The following TMIGD1 variants were observed in gnomAD, a reference collection of about 807,000 sequenced individuals.
The protein encoded by TMIGD1 is transmembrane and immunoglobulin domain containing 1.
A neutral mutation model predicts 27.5 loss-of-function variants in TMIGD1; 29 were observed. That is an observed-to-expected ratio of 1.05 (90% CI 0.78 to 1.44). TMIGD1 has a LOEUF of 1.44. Ranked by LOEUF, TMIGD1 falls within the 40% of genes most tolerant of loss-of-function variation. The pLI, the probability that TMIGD1 is intolerant of heterozygous loss-of-function variation, is 0.00. For synonymous variants in TMIGD1, 109 were observed against 110.3 expected (o/e 0.99, Z 0.07); for missense variants, 334 against 310.6 (o/e 1.08, Z -0.57).
Position 30,324,988 on chromosome 17 carries a change from G to A in TMIGD1, c.468C>T (p.Tyr156=). 6.2e-7 allele frequency: 1 copy of A among 1,614,056 alleles called. No homozygotes were observed. The highest frequency in any genetic ancestry group is 8.5e-7 in the Non-Finnish European group (1 of 1,179,994). ...CTAAATCGAGGAGACTACTGTTTTTGTACCACATCATTTGAGCCTGGGGGT... is the reference window on the plus strand; with the variant it reads ...CTAAATCGAGGAGACTACTGTTTTTATACCACATCATTTGAGCCTGGGGGT... ...KANPQAQMMW[Y]KNSSLLDLEK... Residue 156 remains tyrosine, a synonymous_variant, in exon 4 of 7, where the codon TAC becomes TAT. Coordinates refer to ENST00000328886, the MANE Select transcript of TMIGD1 (RefSeq NM_206832.3).
chr17:30,324,430 T>C (rs1597682552), intron 4 of TMIGD1, among the ~76,000 whole-genome samples: 1 of 152,220 alleles, frequency 6.6e-6, no homozygotes, highest in East Asian at 1.9e-4. Context: ...TTTTCTTATC[T>C]AGTCCTAATT....
intron 4 of TMIGD1, among the ~76,000 whole-genome samples, chr17:30,322,674 TG>T (rs1909657621): frequency 6.6e-6 from 1 of 152,146 alleles, no homozygotes; most frequent in African/African-American, 2.4e-5. Flanking sequence ...TAATTTTTTT[TG>T]TATTTTTAGT....
chr17:30,331,583 ATT>A lies in TMIGD1; in HGVS notation c.82+467_82+468del, dbSNP rs71360742. Reference sequence around the variant, plus strand: ...CCTAAAAACAATATTTTTCCATTTGATTTTTTTTTTTTTTTTTTTGAGACGGA... The same window carrying A: ...CCTAAAAACAATATTTTTCCATTTGATTTTTTTTTTTTTTTTTGAGACGGA... On this transcript the variant is annotated intron_variant, in intron 2 of 6. Coordinates refer to ENST00000328886, the MANE Select transcript of TMIGD1 (RefSeq NM_206832.3). 7.0e-3 allele frequency among the ~76,000 whole-genome samples: 929 copies of A among 133,102 alleles called. 3 individuals are homozygous for A. Among genetic ancestry groups the A allele is most frequent in the African/African-American group, 0.014 (495 of 36,290 alleles). 87.3% of individuals were successfully genotyped at this position (133,102 alleles called of 152,430 possible). A position where few individuals can be genotyped will look rare whatever the true frequency, so the allele number is the denominator to read the frequency against.
In TMIGD1 at chr17:30,316,435, CAA is replaced by C; in HGVS notation, c.*250_*251del. On this transcript the variant is annotated 3_prime_UTR_variant, in exon 7 of 7. Transcript: ENST00000328886. ...TAAATGATTACCAACCTATTTGGAA[CAA>C]ATCTCAATTAATTAACATATACTTC... is the stretch of plus-strand genomic sequence containing the variant. The C allele has an allele frequency of 5.1e-6, 2 of 388,680 alleles. No individual in the cohort carries two copies. The highest frequency in any genetic ancestry group is 1.1e-4 in the South Asian group (2 of 18,298). 24.1% of individuals were successfully genotyped at this position (388,680 alleles called of 1,614,324 possible). A position where few individuals can be genotyped will look rare whatever the true frequency, so the allele number is the denominator to read the frequency against.
chr17:30,332,381 G>A (rs1392490772), intron 1 of TMIGD1, among the ~76,000 whole-genome samples: 1 of 152,164 alleles, frequency 6.6e-6, no homozygotes, highest in East Asian at 1.9e-4. Flanking sequence ...ACAGGAAATA[G>A]GCTATGACAG....
At chr17:30,331,422 T>C (rs1388497006) in intron 2 of TMIGD1, among the ~76,000 whole-genome samples, 1 of 152,088 alleles carries the variant, frequency 6.6e-6, no homozygotes, top group Non-Finnish European at 1.5e-5. Context: ...AAGATTTTCA[T>C]GTGAAATGGT....
At chr17:30,324,576 A>G (rs573539719) in intron 4 of TMIGD1, among the ~76,000 whole-genome samples, 4 of 152,330 alleles carry the variant, frequency 2.6e-5, no homozygotes, top group South Asian at 4.1e-4. Flanking sequence ...TGTTTCCTAT[A>G]TTTGGTTCTA....
chr17:30,332,490 C>T (rs755203974), intron 1 of TMIGD1, among the ~76,000 whole-genome samples: 32 of 152,176 alleles, frequency 2.1e-4, no homozygotes, highest in Non-Finnish European at 8.8e-5. Context: ...GTCTCATTCT[C>T]AGACAGTCCC....
intron 5 of TMIGD1, 33 bp from the exon 6 acceptor site, chr17:30,317,266 T>C (rs779970308): frequency 7.8e-5 from 126 of 1,613,128 alleles, no homozygotes; most frequent in Non-Finnish European, 1.1e-4. Context: ...ATTAGCCTGC[T>C]TTTTAAGGCC....
chr17:30,329,364 T>C lies in TMIGD1; in HGVS notation c.248A>G (p.Asn83Ser), dbSNP rs781490158. The C allele has an allele frequency of 2.0e-5, 33 of 1,614,054 alleles. No individual in the cohort carries two copies. In the East Asian group the frequency reaches 4.2e-4, roughly 21 times the overall value. ...RVDLKSGNKINSSSVCVSSIS... is the reference protein window; with the variant it reads ...RVDLKSGNKISSSSVCVSSIS... ...GGAAGAGACACAGACAGAGCTGGAA[T>C]TGATTTTGTTTCCAGATTTCAAATC... is the stretch of plus-strand genomic sequence containing the variant. Residue 83 changes from asparagine (N) to serine (S), a missense_variant, in exon 3 of 7, where the codon AAT (asparagine) becomes AGT (serine). Asn to Ser is a conservative substitution (Grantham distance 46). Transcript: ENST00000328886.
intron 2 of TMIGD1, among the ~76,000 whole-genome samples, chr17:30,330,332 G>A (rs138966757): frequency 7.9e-5 from 12 of 152,104 alleles, no homozygotes; most frequent in South Asian, 4.1e-4. Context: ...ACACACACAC[G>A]CATGCATATA....
chr17:30,316,690 T>C lies in TMIGD1; in HGVS notation c.786A>G (p.Leu262=). 6.2e-7 allele frequency: 1 copy of C among 1,613,230 alleles called. No individual in the cohort carries two copies. Among genetic ancestry groups the C allele is most frequent in the Non-Finnish European group, 8.5e-7 (1 of 1,179,680 alleles). ...KDKDPHSETA[L] The stretch of plus-strand genomic sequence containing the variant: ...ATTCGATGGCATCTCAGCTTTCTCA[T>C]CTGAAATGAATGAAGAAATTAATAA... Residue 262 remains leucine (L), a splice_region_variant and synonymous_variant, in exon 7 of 7, where the codon CTA becomes CTG. Coordinates refer to ENST00000328886, the MANE Select transcript of TMIGD1 (RefSeq NM_206832.3).
chr17:30,324,846 C>T lies in TMIGD1; in HGVS notation c.610G>A (p.Glu204Lys). The change falls in exon 4 of 7, where the codon GAG becomes AAG. Residue 204 changes from glutamate (E) to lysine (K), a missense_variant. Glu to Lys is a moderately conservative substitution (Grantham distance 56, BLOSUM62 1). Coordinates refer to ENST00000328886, the MANE Select transcript of TMIGD1 (RefSeq NM_206832.3). ...ACAATCAGGTGAAAGTCCAAGCTCT[C>T]CGTTTTCAGAGATGACTTTGCAATA... Reference protein sequence around the residue: ...SCIAKSSLKTESLDFHLIVKD... With the variant: ...SCIAKSSLKTKSLDFHLIVKD... 3 of 1,614,110 alleles carry T rather than the reference C, an allele frequency of 1.9e-6. No homozygotes were observed. Among genetic ancestry groups the T allele is most frequent in the Non-Finnish European group, 2.5e-6 (3 of 1,179,980 alleles).
chr17:30,326,991 T>C (rs1426443502), intron 3 of TMIGD1, among the ~76,000 whole-genome samples: 2 of 152,032 alleles, frequency 1.3e-5, no homozygotes, highest in Admixed American at 6.6e-5. Flanking sequence ...TTTGATTTAT[T>C]GGTTGATGAC....
chr17:30,329,850 C>A (rs377224690), intron 2 of TMIGD1, among the ~76,000 whole-genome samples: 2 of 151,556 alleles, frequency 1.3e-5, no homozygotes, highest in African/African-American at 4.9e-5. Context: ...GCGGGAGGAT[C>A]GCTTGAGCTC....
intron 2 of TMIGD1, among the ~76,000 whole-genome samples, chr17:30,330,401 G>A (rs1392868698): frequency 6.6e-6 from 1 of 152,142 alleles, no homozygotes; most frequent in Non-Finnish European, 1.5e-5. Context: ...TTGAAAGTGG[G>A]AAAGCAAGGG....
chr17:30,318,044 GGA>G (rs1909477338), intron 5 of TMIGD1, among the ~76,000 whole-genome samples: 1 of 151,806 alleles, frequency 6.6e-6, no homozygotes, highest in Admixed American at 6.6e-5. Flanking sequence ...CTCCAGCCTG[GGA>G]GAGAGAGTAA....
At chr17:30,333,823 TGA>T (rs1189666727) in intron 1 of TMIGD1, among the ~76,000 whole-genome samples, 175 bp downstream of exon 1, 1 of 152,214 alleles carries the variant, frequency 6.6e-6, no homozygotes. Context: ...CAATAAAAAC[TGA>T]GAGTGCAGGC....
intron 2 of TMIGD1, 150 bp from the exon 3 acceptor site, chr17:30,329,679 TATA>T: frequency 1.6e-6 from 1 of 630,246 alleles, no homozygotes; most frequent in Non-Finnish European, 2.6e-6. Flanking sequence ...TATATGATTT[TATA>T]ATGAAAAATA....
Sources: gnomAD v4.1 joint callset for allele counts (sites outside exome capture counted in the v4.1 genomes callset) on GRCh38, gnomAD v4.1.1 for gene constraint, MANE v1.5 for transcripts, NCBI Gene and HGNC (gene_info 2026-07-23, HGNC 2026-07-21) for gene names.